MGLL: variants seen among roughly 807,000 people sequenced by gnomAD.
The protein encoded by MGLL is lysophospholipase homolog.
Under a neutral mutation model 29.1 loss-of-function variants are expected in MGLL, and 7 were observed. The observed-to-expected ratio is 0.24, with a 90% CI of 0.14 to 0.45. MGLL has a LOEUF of 0.45. Ranked by LOEUF, MGLL falls within the 20% of genes least tolerant of loss-of-function variation. MGLL has a pLI of 0.99. For missense variants in MGLL, 356 were observed against 413.6 expected (o/e 0.86, Z 1.21); for synonymous variants, 148 against 168.3 (o/e 0.88, Z 0.93).
intron 5 of MGLL, among the ~76,000 whole-genome samples, chr3:127,717,689 C>T (rs917818382): frequency 6.6e-6 from 1 of 152,160 alleles, no homozygotes; most frequent in African/African-American, 2.4e-5. Flanking sequence ...TAGGCTGAGA[C>T]CCCCATCCCT....
chr3:127,790,681 C>A (rs748139990), intron 2 of MGLL, among the ~76,000 whole-genome samples: 1 of 152,210 alleles, frequency 6.6e-6, no homozygotes, highest in African/African-American at 2.4e-5. Flanking sequence ...ACTGCCCTTA[C>A]GGAAGTCGCA....
At chr3:127,725,511 C>T (rs774001680) in intron 3 of MGLL, among the ~76,000 whole-genome samples, 17 of 152,094 alleles carry the variant, frequency 1.1e-4, no homozygotes, top group Admixed American at 4.6e-4. Context: ...ATTTTTACCC[C>T]GGTCCTAAAC....
chr3:127,713,714 CCAGT>C (rs1269377592), intron 5 of MGLL: 1 of 152,252 alleles, frequency 6.6e-6, no homozygotes, highest in Non-Finnish European at 1.5e-5. Context: ...CCTGGAGGTG[CCAGT>C]CCATCTTCAG....
At chr3:127,727,539 C>T (rs1448935268) in intron 3 of MGLL, among the ~76,000 whole-genome samples, 1 of 151,708 alleles carries the variant, frequency 6.6e-6, no homozygotes, top group Non-Finnish European at 1.5e-5. Context: ...TGGCAAAACC[C>T]CATCTCTACA....
chr3:127,791,007 C>T (rs1045998576), intron 2 of MGLL, among the ~76,000 whole-genome samples: 4 of 152,194 alleles, frequency 2.6e-5, no homozygotes, highest in African/African-American at 4.8e-5. Flanking sequence ...CCATGCCACC[C>T]GTACCACTGA....
intron 3 of MGLL, among the ~76,000 whole-genome samples, chr3:127,760,932 A>T (rs571737077): frequency 2.0e-4 from 30 of 152,330 alleles, no homozygotes; most frequent in African/African-American, 7.0e-4. Context: ...GGAAAAAATT[A>T]TTAGCACAGA....
At chr3:127,748,450 T>G (rs550381156) in intron 3 of MGLL, among the ~76,000 whole-genome samples, 10 of 146,244 alleles carry the variant, frequency 6.8e-5, no homozygotes, top group African/African-American at 1.3e-4. Context: ...GAGAGAGAGA[T>G]ATTCCTATCT....
rs1374285945 is a variant in MGLL, at chr3:127,794,638, T to TATGATGTCAAACTGTCTTCC, written c.156-12763_156-12744dup. ...TCTTCTGTGATGTCAGGCTGTCTTCTATGATGTCAAACTGTCTTCCATGAT... is the reference window on the plus strand; with the variant it reads ...TCTTCTGTGATGTCAGGCTGTCTTCTATGATGTCAAACTGTCTTCCATGATGTCAAACTGTCTTCCATGAT... On this transcript the variant is annotated intron_variant, in intron 2 of 7. Transcript: ENST00000265052. Among the ~76,000 whole-genome samples the TATGATGTCAAACTGTCTTCC allele has an allele frequency of 2.5e-4, 38 of 152,342 alleles. No homozygotes were observed. In the South Asian group the frequency reaches 7.5e-3, roughly 30 times the overall value.
Position 127,765,176 on chromosome 3 carries a change from T to G in MGLL, c.262+16613A>C, listed in dbSNP as rs754395983. Among the ~76,000 whole-genome samples the G allele has an allele frequency of 2.0e-4, 30 of 152,256 alleles. 1 individual carries two copies. The highest frequency in any genetic ancestry group is 1.6e-4 in the Non-Finnish European group (11 of 68,052). ...ATTTCCTAGAATTATTCAGTCTTTC[T>G]TTTTAACACAGGATCACGTGTAAGT... On this transcript the variant is annotated intron_variant, in intron 3 of 7. Transcript: ENST00000265052.
rs150915258 is a variant in MGLL at position 127,816,930 on chromosome 3, G to A, written c.155+4764C>T. Among the ~76,000 whole-genome samples, 941 of 152,314 alleles carry A rather than the reference G, an allele frequency of 6.2e-3. 6 individuals carry two copies. The highest frequency in any genetic ancestry group is 0.021 in the African/African-American group (890 of 41,568). On this transcript the variant is annotated intron_variant, in intron 2 of 7. Coordinates refer to ENST00000265052, the MANE Select transcript of MGLL (RefSeq NM_007283.7). ...AAATCTCCCTTGCTAGTCCATCCACGGCCTGTGTTCCCCTTGCAGCACCTA... is the reference window on the plus strand; with the variant it reads ...AAATCTCCCTTGCTAGTCCATCCACAGCCTGTGTTCCCCTTGCAGCACCTA...
At position 127,722,358 on chromosome 3, in the gene MGLL, G is replaced by A. The variant is rs761752971; in HGVS notation, c.399+72C>T. The A allele has an allele frequency of 3.1e-6, 5 of 1,603,806 alleles. No homozygotes were observed. In the South Asian group the frequency reaches 4.4e-5, roughly 14 times the overall value. ...GAGAGCAGTGGGGGGCAGGAAGTCA[G>A]GGCCACCCCCTTCCCCCTGCAAGGC... is the stretch of plus-strand genomic sequence containing the variant. On this transcript the variant is annotated intron_variant, in intron 4 of 7. Coordinates refer to ENST00000265052, the MANE Select transcript of MGLL (RefSeq NM_007283.7).
At chr3:127,820,678 C>T (rs747094361) in intron 2 of MGLL, among the ~76,000 whole-genome samples, 2 of 152,160 alleles carry the variant, frequency 1.3e-5, no homozygotes, top group African/African-American at 4.8e-5. Context: ...TGCGTATGCA[C>T]GTACAGACAC....
intron 3 of MGLL, among the ~76,000 whole-genome samples, chr3:127,771,688 C>G (rs912520236): frequency 1.3e-5 from 2 of 152,182 alleles, no homozygotes; most frequent in African/African-American, 4.8e-5. Context: ...TTTCATCTGC[C>G]TTAGGAAGAA....
intron 2 of MGLL, among the ~76,000 whole-genome samples, chr3:127,816,174 T>A (rs1345729296): frequency 6.6e-6 from 1 of 152,158 alleles, no homozygotes; most frequent in Non-Finnish European, 1.5e-5. Flanking sequence ...GAACACCTAG[T>A]CGCAGGTGGC....
At chr3:127,767,133 G>A (rs1483850014) in intron 3 of MGLL, among the ~76,000 whole-genome samples, 1 of 143,400 alleles carries the variant, frequency 7.0e-6, no homozygotes, top group Non-Finnish European at 1.5e-5. Context: ...ATCCTTTAAG[G>A]CTTACCTTCC....
At chr3:127,783,346 G>A (rs1456995032) in intron 2 of MGLL, among the ~76,000 whole-genome samples, 2 of 151,936 alleles carry the variant, frequency 1.3e-5, no homozygotes, top group African/African-American at 2.4e-5. Context: ...AACCCCTCCC[G>A]GGCCTTTCTG....
rs372890550 is a variant in MGLL, at chr3:127,794,685, TG to T, written c.156-12791del. On this transcript the variant is annotated intron_variant, in intron 2 of 7. Coordinates refer to ENST00000265052, the MANE Select transcript of MGLL (RefSeq NM_007283.7). ...TGATGTCAAACTATCTTCCACGATG[TG>T]GAACTTTCTTCTATGATGTAAGACT... Among the ~76,000 whole-genome samples the T allele has an allele frequency of 8.5e-5, 13 of 152,370 alleles. No individual in the cohort carries two copies. The East Asian group carries it at 1.9e-3, about 23-fold the overall frequency.
chr3:127,734,512 T>C (rs1394497407), intron 3 of MGLL, among the ~76,000 whole-genome samples: 1 of 152,176 alleles, frequency 6.6e-6, no homozygotes, highest in Non-Finnish European at 1.5e-5. Flanking sequence ...TTCTCACCCC[T>C]GCTCCTTCGC....
At chr3:127,778,338 A>G (rs1379333799) in intron 3 of MGLL, among the ~76,000 whole-genome samples, 1 of 152,242 alleles carries the variant, frequency 6.6e-6, no homozygotes, top group Non-Finnish European at 1.5e-5. Context: ...ACACGGGGAC[A>G]AGAACCCCCT....
Sources: gnomAD v4.1 joint callset for allele counts (sites outside exome capture counted in the v4.1 genomes callset) on GRCh38, gnomAD v4.1.1 for gene constraint, MANE v1.5 for transcripts, NCBI Gene and HGNC (gene_info 2026-07-23, HGNC 2026-07-21) for gene names.